Variants in ATP6V0A4 observed in about 807,000 individuals in gnomAD.
The protein encoded by ATP6V0A4 is ATPase H+ transporting V0 subunit a4.
Under a neutral mutation model 107.3 loss-of-function variants are expected in ATP6V0A4, and 86 were observed. That is an observed-to-expected ratio of 0.80 (90% CI 0.67 to 0.96). The LOEUF is 0.96. Ranked by LOEUF, ATP6V0A4 falls within the 40% of genes least tolerant of loss-of-function variation. The pLI is 0.00. For synonymous variants in ATP6V0A4, 353 were observed against 381.4 expected, an observed-to-expected ratio of 0.93 and a Z score of 0.87; for missense variants, 908 against 1,045.6, an observed-to-expected ratio of 0.87 and a Z score of 1.81.
At chr7:138,725,870 C>T (rs1275089499) in intron 18 of ATP6V0A4, among the ~76,000 whole-genome samples, 4 of 152,166 alleles carry the variant, frequency 2.6e-5, no homozygotes, top group South Asian at 2.1e-4. Flanking sequence ...GTGACACGAA[C>T]GTGTTCATGC....
At chr7:138,728,933 G>T in intron 17 of ATP6V0A4, 71 bp from the exon 18 acceptor site, 2 of 1,611,042 alleles carry the variant, frequency 1.2e-6, no homozygotes, top group South Asian at 2.2e-5. Flanking sequence ...TGATGAAAAT[G>T]ACCACTATGG....
Position 138,709,639 on chromosome 7 carries a change from G to T in ATP6V0A4, c.2414C>A (p.Ala805Asp). 3 of 1,612,846 alleles carry T rather than the reference G, an allele frequency of 1.9e-6. No homozygotes were observed. Among genetic ancestry groups the T allele is most frequent in the Middle Eastern group, 1.7e-4 (1 of 6,022 alleles). ...CCATCCTTACCAGTGCAGTCGCAGG[G>T]CGTGCAGGAAAGCAGAGAGGCCCTC... ...IMEGLSAFLH[A>D]LRLHWVEFQN... The change falls in exon 21 of 22, where the codon GCC becomes GAC. Residue 805 changes from alanine to aspartate, a missense_variant. Transcript: ENST00000310018.
At chr7:138,757,166 G>A (rs1806551248) in intron 8 of ATP6V0A4, among the ~76,000 whole-genome samples, 2 of 152,184 alleles carry the variant, frequency 1.3e-5, no homozygotes, top group Admixed American at 1.3e-4. Context: ...AAAGAAATAT[G>A]AGCTGAAACA....
chr7:138,707,059 C>A (rs1803407844), intron 21 of ATP6V0A4, among the ~76,000 whole-genome samples: 1 of 60,328 alleles, frequency 1.7e-5, no homozygotes, highest in Non-Finnish European at 2.8e-5. Context: ...CCATGCCTAG[C>A]TAATTTATAT....
At chr7:138,770,325 C>G (rs556060511) in intron 3 of ATP6V0A4, among the ~76,000 whole-genome samples, 1 of 152,228 alleles carries the variant, frequency 6.6e-6, no homozygotes, top group South Asian at 2.1e-4. Context: ...TACCTTATTT[C>G]TCTGCCTTGG....
chr7:138,769,149 A>G (rs760519709), intron 4 of ATP6V0A4, 24 bp downstream of exon 4: 2 of 133,862 alleles, frequency 1.5e-5, no homozygotes, highest in African/African-American at 1.6e-4. Flanking sequence ...AACAGTAAGA[A>G]AAAAAAAAAA....
chr7:138,733,764 G>T (rs1805158018), intron 16 of ATP6V0A4, among the ~76,000 whole-genome samples: 1 of 151,924 alleles, frequency 6.6e-6, no homozygotes, highest in African/African-American at 2.4e-5. Context: ...TTTTAGTAGA[G>T]ATGGGCTTTC....
rs747398107 is a variant in ATP6V0A4, at chr7:138,755,714, T to C, written c.791A>G (p.Asn264Ser). The change falls in exon 10 of 22, where the codon AAT becomes AGT. Residue 264 changes from asparagine to serine, a missense_variant. Physicochemically the swap from Asn to Ser is conservative, Grantham distance 46. Coordinates refer to ENST00000310018, the MANE Select transcript of ATP6V0A4 (RefSeq NM_020632.3). ...VERREMLESV[N>S]VRLEDLITVI... ...GGTGATTAAATCTTCCAGCCTCACA[T>C]TGACGCTCTCCAACATCTCTCTGCG... 1.2e-5 allele frequency: 19 copies of C among 1,613,816 alleles called. No individual in the cohort carries two copies. The highest frequency in any genetic ancestry group is 5.3e-5 in the African/African-American group (4 of 74,926).
chr7:138,712,447 T>C (rs2117184444), intron 20 of ATP6V0A4, among the ~76,000 whole-genome samples: 1 of 151,980 alleles, frequency 6.6e-6, no homozygotes, highest in East Asian at 1.9e-4. Flanking sequence ...AAGTTGTTAT[T>C]GCAACAGAGT....
chr7:138,735,720 G>T (rs1805282124), intron 15 of ATP6V0A4, among the ~76,000 whole-genome samples: 1 of 152,288 alleles, frequency 6.6e-6, no homozygotes, highest in African/African-American at 2.4e-5. Flanking sequence ...CATTCCCCTT[G>T]CTCACCTGTT....
At chr7:138,709,152 T>C (rs1803602615) in intron 21 of ATP6V0A4, among the ~76,000 whole-genome samples, 2 of 135,722 alleles carry the variant, frequency 1.5e-5, no homozygotes, top group Non-Finnish European at 3.0e-5. Flanking sequence ...GAGGTTGCAG[T>C]GAGCCAAGAT....
intron 14 of ATP6V0A4, among the ~76,000 whole-genome samples, chr7:138,743,483 GA>G (rs1310259231): frequency 1.3e-5 from 2 of 150,304 alleles, no homozygotes; most frequent in Admixed American, 6.7e-5. Context: ...AAAAGAAAAA[GA>G]AAAAAAATAA....
intron 19 of ATP6V0A4, among the ~76,000 whole-genome samples, chr7:138,718,669 TTCGGGGCG>T (rs745557635): frequency 0.013 from 31 of 2,398 alleles, 1 homozygote; most frequent in Non-Finnish European, 0.017. Flanking sequence ...CAGGAAGGAA[TTCGGGGCG>T]GGGGGGGGGG....
chr7:138,744,677 C>T (rs1026539375), intron 14 of ATP6V0A4, among the ~76,000 whole-genome samples: 5 of 151,406 alleles, frequency 3.3e-5, no homozygotes, highest in Admixed American at 2.0e-4. Flanking sequence ...GGACTAAAGG[C>T]GTGCCAACAC....
intron 10 of ATP6V0A4, among the ~76,000 whole-genome samples, chr7:138,755,385 G>A (rs1806458104): frequency 1.3e-5 from 2 of 152,196 alleles, no homozygotes; most frequent in African/African-American, 4.8e-5. Flanking sequence ...CATAGATTCC[G>A]TCTAGGCCGA....
intron 10 of ATP6V0A4, 78 bp from the exon 11 acceptor site, chr7:138,752,915 C>T (rs762786951): frequency 1.8e-5 from 28 of 1,572,030 alleles, no homozygotes; most frequent in African/African-American, 4.0e-5. Context: ...TGGAGTGTCA[C>T]AGGCCACAGC....
chr7:138,722,465 G>C (rs1379265116), intron 18 of ATP6V0A4, among the ~76,000 whole-genome samples: 1 of 152,086 alleles, frequency 6.6e-6, no homozygotes, highest in Non-Finnish European at 1.5e-5. Flanking sequence ...AGGAGTCCAA[G>C]ACTAGCGTGG....
At position 138,711,210 on chromosome 7, in the gene ATP6V0A4, A is replaced by T. The variant is rs1803723606; in HGVS notation, c.2258-1415T>A. Among the ~76,000 whole-genome samples the T allele has an allele frequency of 2.0e-5, 3 of 152,244 alleles. No homozygotes were observed. The South Asian group carries it at 6.2e-4, about 32-fold the overall frequency. On this transcript the variant is annotated intron_variant, in intron 20 of 21. Coordinates refer to ENST00000310018, the MANE Select transcript of ATP6V0A4 (RefSeq NM_020632.3). ...GCTGACAGTCGGGGAATGTTTTAAA[A>T]GGCCCTGAGGGGAGTGAAATCCAAG...
Position 138,745,282 on chromosome 7 carries a change from T to C in ATP6V0A4, c.1321-2A>G. ...CCCGTGGAAGAAGGTGTTCCAAATC[T>C]GGCCTCAGAGAGACAGAGAGGATGA... On this transcript the variant is annotated splice_acceptor_variant, in intron 13 of 21. Transcript: ENST00000310018. LOFTEE classifies it high-confidence loss of function. 1 of 1,614,022 alleles carries C rather than the reference T, an allele frequency of 6.2e-7. No individual in the cohort carries two copies. The highest frequency in any genetic ancestry group is 8.5e-7 in the Non-Finnish European group (1 of 1,179,976).
Sources: gnomAD v4.1 joint callset for allele counts (sites outside exome capture counted in the v4.1 genomes callset) on GRCh38, gnomAD v4.1.1 for gene constraint, MANE v1.5 for transcripts, NCBI Gene and HGNC (gene_info 2026-07-23, HGNC 2026-07-21) for gene names.